The following GLIS3 variants were observed in gnomAD, a reference collection of about 807,000 sequenced individuals.
GLIS3 encodes the protein GLIS family zinc finger 3.
A neutral mutation model predicts 78.6 loss-of-function variants in GLIS3; 53 were observed. The observed-to-expected ratio is 0.67, with a 90% CI of 0.54 to 0.85. The LOEUF (loss-of-function observed/expected upper bound fraction) is 0.85. Ranked by LOEUF, GLIS3 falls within the 40% of genes least tolerant of loss-of-function variation. The pLI is 0.00. For synonymous variants in GLIS3, 684 were observed against 509.9 expected (o/e 1.34, Z -4.60); for missense variants, 1,703 against 1,231.1 (o/e 1.38, Z -5.74).
chr9:4,275,071 A>T (rs1478424933), intron 2 of GLIS3, among the ~76,000 whole-genome samples: 1 of 152,186 alleles, frequency 6.6e-6, no homozygotes, highest in African/African-American at 2.4e-5. Flanking sequence ...AGAAGTAGCA[A>T]ATCTATTCAC....
At chr9:4,056,658 AAG>A (rs1257481377) in intron 4 of GLIS3, among the ~76,000 whole-genome samples, 2 of 152,118 alleles carry the variant, frequency 1.3e-5, no homozygotes, top group Non-Finnish European at 2.9e-5. Context: ...GAAAGGAGAA[AAG>A]AGAGACAAAT....
chr9:3,936,098 A>G (rs901753774), intron 5 of GLIS3, among the ~76,000 whole-genome samples: 1 of 152,222 alleles, frequency 6.6e-6, no homozygotes, highest in African/African-American at 2.4e-5. Context: ...GTGTAGTTTA[A>G]TAATAGACAT....
At chr9:4,480,370 A>G in the GLIS3 span, among the ~76,000 whole-genome samples, 1 of 151,796 alleles carries the variant, frequency 6.6e-6, no homozygotes, top group African/African-American at 2.4e-5. Context: ...ACACCTGTCT[A>G]ACTTTATTTT....
At chr9:4,390,910 T>G in the GLIS3 span, among the ~76,000 whole-genome samples, 5 of 152,178 alleles carry the variant, frequency 3.3e-5, no homozygotes, top group African/African-American at 1.2e-4. Flanking sequence ...TTTAAAAAAG[T>G]TAATGCCCTT....
the GLIS3 span, among the ~76,000 whole-genome samples, chr9:4,397,934 G>A: frequency 6.6e-6 from 1 of 151,990 alleles, no homozygotes; most frequent in African/African-American, 2.4e-5. Context: ...GTGGGTCCCT[G>A]CATCCAGTTC....
intron 2 of GLIS3, among the ~76,000 whole-genome samples, chr9:4,185,987 T>C (rs1817752086): frequency 6.6e-6 from 1 of 152,000 alleles, no homozygotes; most frequent in East Asian, 1.9e-4. Context: ...AGAGTTTTCT[T>C]CTTTTTTTTA....
intron 4 of GLIS3, among the ~76,000 whole-genome samples, chr9:4,101,003 T>G (rs971271585): frequency 6.6e-6 from 1 of 152,152 alleles, no homozygotes; most frequent in African/African-American, 2.4e-5. Flanking sequence ...TGGGGGCCCC[T>G]GGAAAACAGC....
chr9:4,360,923 T>C, the GLIS3 span, among the ~76,000 whole-genome samples: 39 of 152,216 alleles, frequency 2.6e-4, 2 homozygotes, highest in Non-Finnish European at 5.6e-4. Flanking sequence ...GAATATCTGA[T>C]GGCATTATTT....
intron 4 of GLIS3, among the ~76,000 whole-genome samples, chr9:4,088,818 G>A (rs772828318): frequency 1.2e-4 from 18 of 152,150 alleles, no homozygotes; most frequent in Non-Finnish European, 2.2e-4. Context: ...TTAAAGCCAA[G>A]GCCAAAATGG....
At chr9:4,418,009 C>A in the GLIS3 span, among the ~76,000 whole-genome samples, 1 of 152,188 alleles carries the variant, frequency 6.6e-6, no homozygotes, top group Non-Finnish European at 1.5e-5. Context: ...TGGCTCCTGT[C>A]CACTAAAACC....
chr9:3,836,498 G>C (rs1818361072), intron 9 of GLIS3, among the ~76,000 whole-genome samples: 1 of 152,190 alleles, frequency 6.6e-6, no homozygotes, highest in South Asian at 2.1e-4. Context: ...GAAGATGCAT[G>C]ACCCCACTCT....
intron 8 of GLIS3, among the ~76,000 whole-genome samples, chr9:3,872,453 T>G (rs1026347846): frequency 1.3e-5 from 2 of 152,214 alleles, no homozygotes; most frequent in African/African-American, 2.4e-5. Flanking sequence ...AGAGGTTTAA[T>G]TGGACTTACA....
At chr9:4,091,522 C>T (rs565947611) in intron 4 of GLIS3, among the ~76,000 whole-genome samples, 11 of 139,188 alleles carry the variant, frequency 7.9e-5, no homozygotes, top group South Asian at 2.8e-4. Context: ...TACACGCACA[C>T]GTGCACACAA....
intron 9 of GLIS3, among the ~76,000 whole-genome samples, chr9:3,850,598 C>T (rs146659545): frequency 6.6e-6 from 1 of 152,142 alleles, no homozygotes; most frequent in Non-Finnish European, 1.5e-5. Flanking sequence ...AATGTTCCTA[C>T]CTCTCCCATT....
intron 2 of GLIS3, among the ~76,000 whole-genome samples, chr9:4,320,220 T>C (rs1039143947): frequency 1.3e-5 from 2 of 152,114 alleles, no homozygotes; most frequent in Non-Finnish European, 2.9e-5. Flanking sequence ...TCTCTGAATG[T>C]CTCCCTGACC....
intron 2 of GLIS3, among the ~76,000 whole-genome samples, chr9:4,234,520 A>T (rs955266967): frequency 6.6e-6 from 1 of 152,222 alleles, no homozygotes; most frequent in Non-Finnish European, 1.5e-5. Flanking sequence ...ACACCCTAAA[A>T]CAATTACAAT....
In GLIS3 at chr9:4,196,432, G is replaced by A. The variant is rs539331954; in HGVS notation, c.389-70491C>T. Among the ~76,000 whole-genome samples the A allele has an allele frequency of 7.2e-5, 11 of 152,278 alleles. No individual in the cohort carries two copies. The East Asian group carries it at 1.3e-3, about 19-fold the overall frequency. ...CGCACTGTGGAAGCTTTGTTCTTTC[G>A]CTCTTTGCGATAAATCTTGCTGCTC... is the stretch of plus-strand genomic sequence containing the variant. On this transcript the variant is annotated intron_variant, in intron 2 of 10. Coordinates refer to ENST00000381971, the MANE Select transcript of GLIS3 (RefSeq NM_001042413.2).
intron 4 of GLIS3, among the ~76,000 whole-genome samples, chr9:4,093,933 G>A (rs1829729709): frequency 6.6e-6 from 1 of 152,160 alleles, no homozygotes; most frequent in Non-Finnish European, 1.5e-5. Flanking sequence ...TGGAATTGTA[G>A]GTCAACTGTG....
upstream of GLIS3, among the ~76,000 whole-genome samples, chr9:4,301,915 G>T (rs1025708641): frequency 1.3e-5 from 2 of 151,992 alleles, no homozygotes; most frequent in Non-Finnish European, 2.9e-5. Flanking sequence ...TTTTATTTAG[G>T]TGTGATTTTC....
Sources: gnomAD v4.1 joint callset for allele counts (sites outside exome capture counted in the v4.1 genomes callset) on GRCh38, gnomAD v4.1.1 for gene constraint, MANE v1.5 for transcripts, NCBI Gene and HGNC (gene_info 2026-07-23, HGNC 2026-07-21) for gene names.